The following MIEF1 variants were observed in gnomAD, a reference collection of about 807,000 sequenced individuals.
The protein encoded by MIEF1 is mitochondrial elongation factor 1, also known as mitochondrial dynamics protein MIEF1.
A neutral mutation model predicts 35.1 loss-of-function variants in MIEF1; 14 were observed. The observed-to-expected ratio is 0.40, with a 90% CI of 0.26 to 0.62. The LOEUF is 0.62. MIEF1 is among the 20% of genes least tolerant of loss of function. The pLI, the probability that MIEF1 is intolerant of heterozygous loss-of-function variation, is 0.43. For missense variants in MIEF1, 542 were observed against 615.4 expected (o/e 0.88, Z 1.26); for synonymous variants, 245 against 254.3 (o/e 0.96, Z 0.35).
chr22:39,510,355 A>G (rs1428606360), intron 2 of MIEF1, among the ~76,000 whole-genome samples: 1 of 151,706 alleles, frequency 6.6e-6, no homozygotes, highest in African/African-American at 2.4e-5. Flanking sequence ...GTAGCCTCAA[A>G]CTCCTGGGCT....
Position 39,514,534 on chromosome 22 carries a change from T to G in MIEF1, c.*211T>G. ...CTATTTTTGTTACCAATCACTGTGC[T>G]CTCTGCCGCCCCCTGGCTCCAGGCT... On this transcript the variant is annotated 3_prime_UTR_variant, in exon 6 of 6. Transcript: ENST00000325301. 1 of 592,490 alleles carries G rather than the reference T, an allele frequency of 1.7e-6. No homozygotes were observed. The highest frequency in any genetic ancestry group is 3.0e-6 in the Non-Finnish European group (1 of 338,306). The allele number at this position is 592,490 out of a possible 1,614,324, so 36.7% of individuals were successfully genotyped here.
Position 39,515,410 on chromosome 22 carries a change from GC to G in MIEF1, c.*1090del, listed in dbSNP as rs1930606475. 4 of 704,508 alleles carry G rather than the reference GC, an allele frequency of 5.7e-6. No homozygotes were observed. The highest frequency in any genetic ancestry group is 1.1e-5 in the Non-Finnish European group (4 of 378,544). The allele number at this position is 704,508 out of a possible 1,614,324, so 43.6% of individuals were successfully genotyped here. A position where few individuals can be genotyped will look rare whatever the true frequency, so the allele number is the denominator to read the frequency against. ...AGAGCAAGAACAGACCCAACAGCCA[GC>G]CCTTCATCCTCCAGCGTCTGCCATA... On this transcript the variant is annotated 3_prime_UTR_variant, in exon 6 of 6. Coordinates refer to ENST00000325301, the MANE Select transcript of MIEF1 (RefSeq NM_019008.6).
At position 39,513,868 on chromosome 22, in the gene MIEF1, C is replaced by G. The variant is rs1434442965; in HGVS notation, c.937C>G (p.Leu313Val). 1 of 1,614,018 alleles carries G rather than the reference C, an allele frequency of 6.2e-7. No individual in the cohort carries two copies. The highest frequency in any genetic ancestry group is 8.5e-7 in the Non-Finnish European group (1 of 1,180,038). Residue 313 changes from leucine to valine, a missense_variant, in exon 6 of 6, where the codon CTG becomes GTG. Physicochemically the swap from Leu to Val is conservative, Grantham distance 32. Transcript: ENST00000325301. ...ERDKHLFIDFLPSVTLGDTVL... is the reference protein window; with the variant it reads ...ERDKHLFIDFVPSVTLGDTVL... The stretch of plus-strand genomic sequence containing the variant: ...TGACAAACATCTCTTCATTGACTTC[C>G]TGCCATCAGTGACCCTCGGTGACAC...
chr22:39,505,366 A>T (rs1234980297), intron 2 of MIEF1, among the ~76,000 whole-genome samples: 3 of 151,834 alleles, frequency 2.0e-5, no homozygotes, highest in African/African-American at 2.4e-5. Context: ...TTATTTATTT[A>T]TTTTTTTTGT....
At chr22:39,510,124 A>T (rs995668225) in intron 2 of MIEF1, among the ~76,000 whole-genome samples, 1 of 151,878 alleles carries the variant, frequency 6.6e-6, no homozygotes, top group South Asian at 2.1e-4. Context: ...ACATCTGGCT[A>T]ATTTTATATT....
intron 2 of MIEF1, among the ~76,000 whole-genome samples, chr22:39,510,005 C>T (rs1271323328): frequency 1.3e-5 from 2 of 152,198 alleles, no homozygotes; most frequent in East Asian, 3.8e-4. Flanking sequence ...GTTACCCAGG[C>T]TAGAGTGCAA....
chr22:39,515,283 A>G lies in MIEF1; in HGVS notation c.*960A>G, dbSNP rs1341220490. 2.8e-6 allele frequency: 2 copies of G among 717,574 alleles called. No individual in the cohort carries two copies. The highest frequency in any genetic ancestry group is 2.0e-5 in the Admixed American group (1 of 50,030). The allele number at this position is 717,574 out of a possible 1,614,324, so 44.5% of individuals were successfully genotyped here. A position where few individuals can be genotyped will look rare whatever the true frequency, so the allele number is the denominator to read the frequency against. On this transcript the variant is annotated 3_prime_UTR_variant, in exon 6 of 6. Coordinates refer to ENST00000325301, the MANE Select transcript of MIEF1 (RefSeq NM_019008.6). ...GACATCAGGTGAGGATGATGGAGGT[A>G]GACAGTCGACTGAATGTCAGCTGGA...
At chr22:39,506,744 T>C (rs188804743) in intron 2 of MIEF1, among the ~76,000 whole-genome samples, 1 of 152,354 alleles carries the variant, frequency 6.6e-6, no homozygotes, top group East Asian at 1.9e-4. Context: ...AGCATTTCTG[T>C]TCCCATTTTT....
At chr22:39,506,033 T>A (rs1315314289) in intron 2 of MIEF1, among the ~76,000 whole-genome samples, 1 of 152,206 alleles carries the variant, frequency 6.6e-6, no homozygotes, top group Non-Finnish European at 1.5e-5. Flanking sequence ...GGTGGGGTGA[T>A]GCCCATGGGA....
chr22:39,506,733 G>T, intron 2 of MIEF1, among the ~76,000 whole-genome samples: 1 of 152,188 alleles, frequency 6.6e-6, no homozygotes, highest in Non-Finnish European at 1.5e-5. Context: ...TTAGGGTGAT[G>T]AGCATTTCTG....
In MIEF1 at chr22:39,514,706, TC is replaced by T; in HGVS notation, c.*385del. On this transcript the variant is annotated 3_prime_UTR_variant, in exon 6 of 6. Coordinates refer to ENST00000325301, the MANE Select transcript of MIEF1 (RefSeq NM_019008.6). ...CCTATTCAGTGTCTTTTCTATTTTT[TC>T]CTCTCTCGTTCATGCCTTCTGTTTT... is the stretch of plus-strand genomic sequence containing the variant. 3.7e-6 allele frequency: 1 copy of T among 268,638 alleles called. No homozygotes were observed. Among genetic ancestry groups the T allele is most frequent in the Non-Finnish European group, 7.2e-6 (1 of 139,828 alleles). 16.6% of individuals were successfully genotyped at this position (268,638 alleles called of 1,614,324 possible). A position where few individuals can be genotyped will look rare whatever the true frequency, so the allele number is the denominator to read the frequency against.
Position 39,511,169 on chromosome 22 carries a change from A to G in MIEF1, c.-7-119A>G. The stretch of plus-strand genomic sequence containing the variant: ...CCTAAAGCATGCAGTGCTGGAGGCA[A>G]GAAGATTTGGGTTGCTGGAACTCAC... On this transcript the variant is annotated intron_variant, in intron 2 of 5. Coordinates refer to ENST00000325301, the MANE Select transcript of MIEF1 (RefSeq NM_019008.6). The G allele has an allele frequency of 4.6e-6, 6 of 1,304,724 alleles. No individual in the cohort carries two copies. The South Asian group carries it at 6.7e-5, about 15-fold the overall frequency. 80.8% of individuals were successfully genotyped at this position (1,304,724 alleles called of 1,614,324 possible). A position where few individuals can be genotyped will look rare whatever the true frequency, so the allele number is the denominator to read the frequency against.
At chr22:39,506,162 C>A (rs1368963938) in intron 2 of MIEF1, among the ~76,000 whole-genome samples, 3 of 152,088 alleles carry the variant, frequency 2.0e-5, no homozygotes, top group Non-Finnish European at 4.4e-5. Context: ...GCTATCACTA[C>A]CCCCTCAAAA....
chr22:39,504,496 C>T lies in MIEF1; in HGVS notation c.-46C>T, dbSNP rs1247951763. 5.0e-6 allele frequency: 2 copies of T among 398,682 alleles called. No individual in the cohort carries two copies. Among genetic ancestry groups the T allele is most frequent in the Non-Finnish European group, 4.4e-6 (1 of 226,128 alleles). 24.7% of individuals were successfully genotyped at this position (398,682 alleles called of 1,614,324 possible). ...TGCCTTCTGTAGACACTCCTGCTCT[C>T]TTCCATCCCCATCTTACAGATGTAT... On this transcript the variant is annotated 5_prime_UTR_variant, in exon 2 of 6. Transcript: ENST00000325301.
rs184485150 is a variant in MIEF1, at chr22:39,515,701, G to A, written c.*1378G>A. 2.3e-4 allele frequency: 60 copies of A among 260,260 alleles called. 1 individual carries two copies. The highest frequency in any genetic ancestry group is 1.0e-4 in the Non-Finnish European group (14 of 136,084). 16.1% of individuals were successfully genotyped at this position (260,260 alleles called of 1,614,324 possible). A position where few individuals can be genotyped will look rare whatever the true frequency, so the allele number is the denominator to read the frequency against. ...GAGGAATGTTTAATCTACCATGTCCGTGTGTCATCTTGGTTTGTGTTTTTC... is the reference window on the plus strand; with the variant it reads ...GAGGAATGTTTAATCTACCATGTCCATGTGTCATCTTGGTTTGTGTTTTTC... On this transcript the variant is annotated 3_prime_UTR_variant, in exon 6 of 6. Transcript: ENST00000325301.
chr22:39,513,795 C>T lies in MIEF1; in HGVS notation c.864C>T (p.Arg288=), dbSNP rs1930498895. 6.2e-7 allele frequency: 1 copy of T among 1,614,134 alleles called. No homozygotes were observed. Among genetic ancestry groups the T allele is most frequent in the Non-Finnish European group, 8.5e-7 (1 of 1,180,042 alleles). ...GGTCCCTCTTGGACTATGTGATCCGCCCGGCCCCACCCCCAGAAGCCCTCA... is the reference window on the plus strand; with the variant it reads ...GGTCCCTCTTGGACTATGTGATCCGTCCGGCCCCACCCCCAGAAGCCCTCA... The part of the protein sequence containing the change: ...AIGSLLDYVI[R]PAPPPEALTL... Residue 288 remains arginine (R), a synonymous_variant, in exon 6 of 6, where the codon CGC becomes CGT. Coordinates refer to ENST00000325301, the MANE Select transcript of MIEF1 (RefSeq NM_019008.6).
chr22:39,514,616 T>C lies in MIEF1; in HGVS notation c.*293T>C. The C allele has an allele frequency of 2.3e-6, 1 of 438,812 alleles. No individual in the cohort carries two copies. The highest frequency in any genetic ancestry group is 4.1e-6 in the Non-Finnish European group (1 of 242,174). The allele number at this position is 438,812 out of a possible 1,614,324, so 27.2% of individuals were successfully genotyped here. On this transcript the variant is annotated 3_prime_UTR_variant, in exon 6 of 6. Coordinates refer to ENST00000325301, the MANE Select transcript of MIEF1 (RefSeq NM_019008.6). The stretch of plus-strand genomic sequence containing the variant: ...TGCTGGCCTGAGCTGATGGACCACT[T>C]GGTGTTTTGCGTTTTGGCCCATGTT...
chr22:39,513,424 G>T, intron 5 of MIEF1, 93 bp from the exon 6 acceptor site: 2 of 1,305,828 alleles, frequency 1.5e-6, no homozygotes, highest in Non-Finnish European at 1.1e-6. Flanking sequence ...ATTCTTGCTG[G>T]GGGGGAATGT....
intron 2 of MIEF1, among the ~76,000 whole-genome samples, chr22:39,509,810 AG>A (rs1450353535): frequency 2.6e-5 from 4 of 152,194 alleles, no homozygotes; most frequent in Admixed American, 6.5e-5. Flanking sequence ...TTCCGTGTGC[AG>A]GATGTTTGGT....
Sources: gnomAD v4.1 joint callset for allele counts (sites outside exome capture counted in the v4.1 genomes callset) on GRCh38, gnomAD v4.1.1 for gene constraint, MANE v1.5 for transcripts, NCBI Gene and HGNC (gene_info 2026-07-23, HGNC 2026-07-21) for gene names.